WDR41: variants seen among roughly 807,000 people sequenced by gnomAD.
WDR41 encodes WD repeat-containing protein 41.
In WDR41, 63 loss-of-function variants were observed where a neutral mutation model predicts 69.3. The ratio of observed to expected loss-of-function variants is 0.91; its 90% CI spans 0.74 to 1.12. The LOEUF (loss-of-function observed/expected upper bound fraction) is 1.12. Ranked by LOEUF, WDR41 falls within the 50% of genes most tolerant of loss-of-function variation. The pLI, the probability that WDR41 is intolerant of heterozygous loss-of-function variation, is 0.00. For synonymous variants in WDR41, 185 were observed against 192.1 expected, an observed-to-expected ratio of 0.96 and a Z score of 0.31; for missense variants, 543 against 534.5, an observed-to-expected ratio of 1.02 and a Z score of -0.16.
intron 3 of WDR41, among the ~76,000 whole-genome samples, chr5:77,463,564 T>C (rs1458930503): frequency 6.6e-6 from 1 of 152,110 alleles, no homozygotes; most frequent in Non-Finnish European, 1.5e-5. Context: ...GGAGTCCTCA[T>C]TGTCCAAGTA....
intron 2 of WDR41, among the ~76,000 whole-genome samples, chr5:77,479,780 A>G (rs1160374533): frequency 7.2e-5 from 11 of 152,220 alleles, no homozygotes; most frequent in African/African-American, 2.7e-4. Flanking sequence ...CTTCATGTCT[A>G]AAACACCAAA....
chr5:77,597,246 C>T (rs1482726451), intron 1 of WDR41, among the ~76,000 whole-genome samples: 1 of 152,096 alleles, frequency 6.6e-6, no homozygotes, highest in African/African-American at 2.4e-5. Context: ...TCTAATAAGC[C>T]TATAATTCTT....
At chr5:77,548,707 G>A (rs972583735) in intron 1 of WDR41, among the ~76,000 whole-genome samples, 1 of 152,160 alleles carries the variant, frequency 6.6e-6, no homozygotes. Context: ...AACCACTATA[G>A]AAAACAGTGT....
At chr5:77,514,131 T>G (rs936337059) in intron 1 of WDR41, among the ~76,000 whole-genome samples, 1 of 152,094 alleles carries the variant, frequency 6.6e-6, no homozygotes, top group Non-Finnish European at 1.5e-5. Context: ...GGGAAATATA[T>G]GGGGGGGAAT....
intron 1 of WDR41, among the ~76,000 whole-genome samples, chr5:77,544,559 TA>T (rs1393226020): frequency 1.3e-5 from 2 of 152,092 alleles, no homozygotes; most frequent in African/African-American, 4.8e-5. Flanking sequence ...CAATAGCAGT[TA>T]AAAAAGACAA....
At chr5:77,512,469 G>A (rs1802224236) in intron 1 of WDR41, among the ~76,000 whole-genome samples, 1 of 151,776 alleles carries the variant, frequency 6.6e-6, no homozygotes. Context: ...TCGTCAGGCG[G>A]GGCCGAGTAA....
At chr5:77,582,507 G>A (rs553089750) in intron 1 of WDR41, 850 of 1,599,692 alleles carry the variant, frequency 5.3e-4, no homozygotes, top group Non-Finnish European at 6.6e-4. Context: ...TGCTTCGAAA[G>A]GCAAGGAGGA....
At chr5:77,453,307 GATTTT>G (rs982260958) in intron 6 of WDR41, among the ~76,000 whole-genome samples, 12 of 152,146 alleles carry the variant, frequency 7.9e-5, no homozygotes, top group Non-Finnish European at 1.5e-4. Flanking sequence ...TCTAAAAATA[GATTTT>G]ATTTTTTAAG....
Position 77,492,249 on chromosome 5 carries a change from C to T in WDR41, c.-29G>A. 6.2e-7 allele frequency: 1 copy of T among 1,610,748 alleles called. No homozygotes were observed. The highest frequency in any genetic ancestry group is 8.5e-7 in the Non-Finnish European group (1 of 1,178,980). On this transcript the variant is annotated 5_prime_UTR_variant, in exon 1 of 13. Coordinates refer to ENST00000296679, the MANE Select transcript of WDR41 (RefSeq NM_018268.4). ...GGCAGCGGCGGCGTCTTGCCCGGTC[C>T]AGCCCCAGTCAGCCCAAACTCCGCC...
intron 6 of WDR41, chr5:77,452,971 C>G (rs1227509194): frequency 6.6e-6 from 1 of 152,078 alleles, no homozygotes; most frequent in East Asian, 1.9e-4. Context: ...TAATAGTAAA[C>G]AGGGAAATAT....
At position 77,464,168 on chromosome 5, in the gene WDR41, T is replaced by C. The variant is rs773232492; in HGVS notation, c.216+593A>G. Among the ~76,000 whole-genome samples, 35 of 152,324 alleles carry C rather than the reference T, an allele frequency of 2.3e-4. 1 individual carries two copies. Among genetic ancestry groups the C allele is most frequent in the Non-Finnish European group, 4.3e-4 (29 of 68,020 alleles). ...AATCAACACAATTCATTTATTCATT[T>C]TGGAAGTCAGGGCATAGCTAGTGAT... On this transcript the variant is annotated intron_variant, in intron 3 of 12. Transcript: ENST00000296679.
chr5:77,530,359 T>A (rs1030238513), intron 1 of WDR41, among the ~76,000 whole-genome samples: 4 of 151,670 alleles, frequency 2.6e-5, no homozygotes, highest in African/African-American at 9.7e-5. Context: ...AGCCCTGGAC[T>A]GGAAATAACC....
Position 77,483,481 on chromosome 5 carries a change from CGTGTGTGTGTGTGTGTGT to C in WDR41, c.167+5958_167+5975del, listed in dbSNP as rs35574463. Among the ~76,000 whole-genome samples the C allele has an allele frequency of 8.1e-3, 1,159 of 143,458 alleles. 19 individuals carry two copies. Among genetic ancestry groups the C allele is most frequent in the African/African-American group, 0.027 (1,039 of 38,976 alleles). The allele number at this position is 143,458 out of a possible 152,430, so 94.1% of individuals were successfully genotyped here. On this transcript the variant is annotated intron_variant, in intron 2 of 12. Coordinates refer to ENST00000296679, the MANE Select transcript of WDR41 (RefSeq NM_018268.4). Reference sequence around the variant, plus strand: ...CACCCCTACGAGTTACCTGAATACTCGTGTGTGTGTGTGTGTGTGTGTGTGTGTGTGTGTGTGTGTGTG... The same window carrying C: ...CACCCCTACGAGTTACCTGAATACTCGTGTGTGTGTGTGTGTGTGTGTGTG...
rs200596590 is a variant in WDR41 at position 77,463,171 on chromosome 5, A to G, written c.272T>C (p.Ile91Thr). ...ACAAGATTCCAAGGAAGGAAATGTA[A>G]TAATAGCTGTTATCTTTTGAGTGTG... ...NGHTQKITAI[I>T]TFPSLESCEE... The change falls in exon 4 of 13, where the codon ATT becomes ACT. Residue 91 changes from isoleucine to threonine, a missense_variant. Coordinates refer to ENST00000296679, the MANE Select transcript of WDR41 (RefSeq NM_018268.4). 180 of 1,612,728 alleles carry G rather than the reference A, an allele frequency of 1.1e-4. No individual in the cohort carries two copies. Among genetic ancestry groups the G allele is most frequent in the Middle Eastern group, 1.6e-4 (1 of 6,076 alleles).
chr5:77,612,997 A>G (rs1230550766), intron 1 of WDR41, among the ~76,000 whole-genome samples: 11 of 150,344 alleles, frequency 7.3e-5, no homozygotes, highest in African/African-American at 1.9e-4. Flanking sequence ...TTATACACCA[A>G]TAACAGACAA....
At chr5:77,460,570 T>A (rs1800010912) in intron 4 of WDR41, among the ~76,000 whole-genome samples, 1 of 152,210 alleles carries the variant, frequency 6.6e-6, no homozygotes, top group Non-Finnish European at 1.5e-5. Flanking sequence ...GTATCCCTTA[T>A]CCAAAATGCT....
intron 1 of WDR41, among the ~76,000 whole-genome samples, chr5:77,567,775 A>G (rs1743660866): frequency 6.6e-6 from 1 of 151,906 alleles, no homozygotes; most frequent in Non-Finnish European, 1.5e-5. Context: ...AGTCTGACTT[A>G]ATAGGTTTGG....
intron 10 of WDR41, 109 bp downstream of exon 10, chr5:77,438,128 ACAG>A (rs774704869): frequency 2.9e-5 from 43 of 1,473,906 alleles, no homozygotes; most frequent in African/African-American, 4.2e-5. Context: ...CCAAAAGAAC[ACAG>A]CAGGTCAAGC....
intron 1 of WDR41, among the ~76,000 whole-genome samples, chr5:77,497,504 A>G (rs1409968133): frequency 3.3e-5 from 5 of 152,180 alleles, no homozygotes; most frequent in Non-Finnish European, 7.4e-5. Flanking sequence ...AAGAAGCTCA[A>G]CATAATTAGT....
Sources: gnomAD v4.1 joint callset for allele counts (sites outside exome capture counted in the v4.1 genomes callset) on GRCh38, gnomAD v4.1.1 for gene constraint, MANE v1.5 for transcripts, NCBI Gene and HGNC (gene_info 2026-07-23, HGNC 2026-07-21) for gene names.